The following DNAH8 variants were observed in gnomAD, a reference collection of about 807,000 sequenced individuals.
DNAH8 encodes the protein axonemal beta dynein heavy chain 8.
DNAH8 carries 382 observed loss-of-function variants against 562.1 expected under a neutral mutation model. The observed-to-expected ratio is 0.68, with a 90% confidence interval of 0.63 to 0.74. The LOEUF is 0.74. Ranked by LOEUF, DNAH8 falls within the 30% of genes least tolerant of loss-of-function variation. DNAH8 has a pLI of 0.00. For missense variants in DNAH8, 5,203 were observed against 5,620.4 expected, an observed-to-expected ratio of 0.93 and a Z score of 2.37; for synonymous variants, 1,881 against 1,919.4, an observed-to-expected ratio of 0.98 and a Z score of 0.52.
intron 62 of DNAH8, among the ~76,000 whole-genome samples, chr6:38,903,008 G>T (rs3918448): frequency 0.63 from 96,467 of 152,008 alleles, 31,642 homozygotes; most frequent in East Asian, 0.81. Context: ...CTTTTCTATG[G>T]TTAGGTAGAT....
At chr6:38,739,048 A>G (rs1764327243) in intron 7 of DNAH8, among the ~76,000 whole-genome samples, 2 of 152,076 alleles carry the variant, frequency 1.3e-5, no homozygotes, top group South Asian at 4.2e-4. Flanking sequence ...CTCTGTGTAG[A>G]ATTGCTTGTT....
In DNAH8 at chr6:38,906,345, G is replaced by C. The variant is rs1780478372; in HGVS notation, c.9286G>C (p.Asp3096His). ...AAAAGGCATCACTTTCATCTTTACT[G>C]ACAGTGAAATAAAAGATGAGGCATT... ...DGKGITFIFT[D>H]SEIKDEAFLE... The change falls in exon 63 of 93, where the codon GAC becomes CAC. Residue 3096 changes from aspartate (D) to histidine (H), a missense_variant. Asp to His is a moderately conservative substitution (Grantham distance 81, BLOSUM62 -1). Around this residue, in one of 6 missense-constraint regions of DNAH8, gnomAD observed 977 missense variants for 1,061.8 expected, o/e 0.92. Coordinates refer to ENST00000327475, the MANE Select transcript of DNAH8 (RefSeq NM_001206927.2). 6.2e-7 allele frequency: 1 copy of C among 1,610,458 alleles called. No homozygotes were observed. Among genetic ancestry groups the C allele is most frequent in the East Asian group, 2.2e-5 (1 of 44,798 alleles).
chr6:38,860,454 A>G lies in DNAH8; in HGVS notation c.5959-3A>G. ...TAATTTTTTTGTATTTTATGTTTTT[A>G]AGGTAAAAATGCATATCAAATCACC... On this transcript the variant is annotated splice_polypyrimidine_tract_variant and splice_region_variant and intron_variant, in intron 42 of 92. Transcript: ENST00000327475. 1 of 1,398,874 alleles carries G rather than the reference A, an allele frequency of 7.1e-7. No homozygotes were observed. Among genetic ancestry groups the G allele is most frequent in the Non-Finnish European group, 9.4e-7 (1 of 1,065,912 alleles). The allele number at this position is 1,398,874 out of a possible 1,614,324, so 86.7% of individuals were successfully genotyped here. A position where few individuals can be genotyped will look rare whatever the true frequency, so the allele number is the denominator to read the frequency against.
At position 38,981,788 on chromosome 6, in the gene DNAH8, A is replaced by T. The variant is rs537900505; in HGVS notation, c.12835-558A>T. 2.6e-5 allele frequency among the ~76,000 whole-genome samples: 4 copies of T among 152,326 alleles called. No homozygotes were observed. In the East Asian group the frequency reaches 7.7e-4, roughly 29 times the overall value. On this transcript the variant is annotated intron_variant, in intron 85 of 92. Coordinates refer to ENST00000327475, the MANE Select transcript of DNAH8 (RefSeq NM_001206927.2). ...GAGACCTAGACTTTTTTTAAAACCC[A>T]AGAACTCCAACTTGGCAAATCTTTG...
chr6:39,023,828 G>T (rs1031495111), intron 91 of DNAH8, among the ~76,000 whole-genome samples: 1 of 152,178 alleles, frequency 6.6e-6, no homozygotes, highest in East Asian at 1.9e-4. Context: ...GCCCATTAAC[G>T]TTTCCTATCT....
rs1781700269 is a variant in DNAH8 at position 38,921,473 on chromosome 6, G to C, written c.10629G>C (p.Gln3543His). 6.2e-7 allele frequency: 1 copy of C among 1,613,292 alleles called. No individual in the cohort carries two copies. Among genetic ancestry groups the C allele is most frequent in the African/African-American group, 1.3e-5 (1 of 74,866 alleles). ...AGCAAGCTGAGCTGGATAAAGTACA[G>C]GCAAAATTTGATGCAGCAATGAATG... ...DEKQAELDKV[Q>H]AKFDAAMNEK... The change falls in exon 71 of 93, where the codon CAG (glutamine) becomes CAC (histidine). Residue 3543 changes from glutamine to histidine, a missense_variant. This residue lies in a region of DNAH8 where 1,399 missense variants were observed against 1,518.4 expected (regional missense o/e 0.92). Coordinates refer to ENST00000327475, the MANE Select transcript of DNAH8 (RefSeq NM_001206927.2).
intron 70 of DNAH8, among the ~76,000 whole-genome samples, chr6:38,918,809 G>A (rs2150549315): frequency 6.6e-6 from 1 of 152,132 alleles, no homozygotes; most frequent in East Asian, 1.9e-4. Flanking sequence ...TGCCTCCAGG[G>A]CCCCATCCCA....
chr6:38,863,209 G>A (rs927481935), intron 44 of DNAH8, among the ~76,000 whole-genome samples: 10 of 125,536 alleles, frequency 8.0e-5, no homozygotes, highest in Non-Finnish European at 1.7e-4. Flanking sequence ...CGAGGCAGGC[G>A]GATCATGAGG....
intron 79 of DNAH8, among the ~76,000 whole-genome samples, chr6:38,940,972 T>C (rs942639424): frequency 6.6e-6 from 1 of 151,820 alleles, no homozygotes; most frequent in Admixed American, 6.6e-5. Context: ...ATACAAAAAT[T>C]AGCTGGGCGT....
rs73410583 is a variant in DNAH8, at chr6:38,952,036, A to G, written c.12451+516A>G. On this transcript the variant is annotated intron_variant, in intron 82 of 92. Transcript: ENST00000327475. Reference sequence around the variant, plus strand: ...CACAGCTGGGAAAGACAGACACGTAAACATGTAATTGAAGGCAATGTGACA... The same window carrying G: ...CACAGCTGGGAAAGACAGACACGTAGACATGTAATTGAAGGCAATGTGACA... 5.7e-3 allele frequency among the ~76,000 whole-genome samples: 864 copies of G among 152,330 alleles called. 13 individuals are homozygous for G. The highest frequency in any genetic ancestry group is 0.02 in the African/African-American group (821 of 41,566).
chr6:38,872,740 A>G lies in DNAH8; in HGVS notation c.7195A>G (p.Ile2399Val), dbSNP rs750973619. The G allele has an allele frequency of 6.2e-7, 1 of 1,613,960 alleles. No individual in the cohort carries two copies. Among genetic ancestry groups the G allele is most frequent in the African/African-American group, 1.3e-5 (1 of 74,910 alleles). Residue 2399 changes from isoleucine to valine, a missense_variant, in exon 50 of 93, where the codon ATT becomes GTT. Coordinates refer to ENST00000327475, the MANE Select transcript of DNAH8 (RefSeq NM_001206927.2). Reference sequence around the variant, plus strand: ...TGCTACCAATGACTGGACAGATGGGATTTTTTCTACTCTGTGGAGAAAAAC... The same window carrying G: ...TGCTACCAATGACTGGACAGATGGGGTTTTTTCTACTCTGTGGAGAAAAAC... ...DTATNDWTDG[I>V]FSTLWRKTLK...
chr6:38,988,635 C>G (rs1764573879), intron 87 of DNAH8, among the ~76,000 whole-genome samples: 1 of 152,218 alleles, frequency 6.6e-6, no homozygotes, highest in East Asian at 1.9e-4. Context: ...CCTCACCTCA[C>G]TTTTCCTGTC....
intron 88 of DNAH8, among the ~76,000 whole-genome samples, chr6:38,994,096 A>G (rs558159311): frequency 7.2e-5 from 11 of 152,348 alleles, no homozygotes; most frequent in African/African-American, 2.4e-4. Context: ...ACCTTCACCA[A>G]TATGACAGTG....
chr6:38,903,252 G>A (rs1355673656), intron 62 of DNAH8, among the ~76,000 whole-genome samples: 1 of 152,152 alleles, frequency 6.6e-6, no homozygotes, highest in Non-Finnish European at 1.5e-5. Context: ...AGGCTGTACA[G>A]GAAGTGTGAT....
chr6:38,978,571 A>G (rs1275406205), intron 85 of DNAH8, among the ~76,000 whole-genome samples: 2 of 152,174 alleles, frequency 1.3e-5, no homozygotes, highest in African/African-American at 4.8e-5. Context: ...ATTTTTACCT[A>G]GTAAAGTTTC....
At chr6:38,921,316 A>G in intron 70 of DNAH8, 53 bp from the exon 71 acceptor site, 2 of 1,580,664 alleles carry the variant, frequency 1.3e-6, no homozygotes, top group Admixed American at 3.7e-5. Context: ...TACCAGTTAC[A>G]ATCATGACTG....
intron 30 of DNAH8, 24 bp from the exon 31 acceptor site, chr6:38,832,298 G>A (rs906980517): frequency 4.1e-6 from 6 of 1,466,104 alleles, no homozygotes; most frequent in Middle Eastern, 1.7e-4. Context: ...TCACTCTCAG[G>A]TTGAATATTC....
Position 38,842,732 on chromosome 6 carries a change from T to A in DNAH8, c.4674T>A (p.Asp1558Glu), listed in dbSNP as rs768398278. 5.0e-6 allele frequency: 8 copies of A among 1,613,794 alleles called. No individual in the cohort carries two copies. In the African/African-American group the frequency reaches 1.1e-4, roughly 22 times the overall value. Reference protein sequence around the residue: ...AFLDLKKRIDDFSESCPLLEM... With the variant: ...AFLDLKKRIDEFSESCPLLEM... ...TGGATCTCAAAAAGAGAATTGATGA[T>A]TTCAGTGAGTCATGTCCTCTACTGG... Residue 1558 changes from aspartate to glutamate, a missense_variant, in exon 35 of 93, where the codon GAT becomes GAA. Asp to Glu is a conservative substitution (Grantham distance 45). Transcript: ENST00000327475.
chr6:38,829,524 A>G (rs1324514005), intron 30 of DNAH8, among the ~76,000 whole-genome samples: 1 of 152,208 alleles, frequency 6.6e-6, no homozygotes, highest in Non-Finnish European at 1.5e-5. Flanking sequence ...GGTATAAGTT[A>G]GGGATTCGAC....
Sources: gnomAD v4.1 joint callset for allele counts (sites outside exome capture counted in the v4.1 genomes callset) on GRCh38, gnomAD v4.1.1 for gene constraint, gnomAD v4.1.1 regional missense constraint, MANE v1.5 for transcripts, NCBI Gene and HGNC (gene_info 2026-07-23, HGNC 2026-07-21) for gene names.